The following COLGALT2 variants were observed in gnomAD, a reference collection of about 807,000 sequenced individuals.
COLGALT2 encodes the protein collagen beta(1-O)galactosyltransferase 2, also known as procollagen galactosyltransferase 2.
Under a neutral mutation model 73.4 loss-of-function variants are expected in COLGALT2, and 49 were observed. That is an observed-to-expected ratio of 0.67 (90% CI 0.53 to 0.85). The LOEUF is 0.85. Among genes scored for constraint, COLGALT2 ranks in the 40% least tolerant of loss-of-function variants. COLGALT2 has a pLI of 0.00. For synonymous variants in COLGALT2, 295 were observed against 307.6 expected (o/e 0.96, Z 0.43); for missense variants, 722 against 790.2 (o/e 0.91, Z 1.03).
At chr1:183,957,758 A>G (rs979182391) in intron 6 of COLGALT2, among the ~76,000 whole-genome samples, 1 of 123,262 alleles carries the variant, frequency 8.1e-6, no homozygotes, top group Non-Finnish European at 1.8e-5. Flanking sequence ...ATGTAATTTT[A>G]TCTTCACTTT....
At position 183,954,669 on chromosome 1, in the gene COLGALT2, G is replaced by A. The variant is rs560956973; in HGVS notation, c.1029+93C>T. 1.1e-5 allele frequency: 10 copies of A among 947,216 alleles called. No homozygotes were observed. In the East Asian group the frequency reaches 2.3e-4, roughly 22 times the overall value. The allele number at this position is 947,216 out of a possible 1,614,324, so 58.7% of individuals were successfully genotyped here. ...TTCAGCAGCCAAGCCAGTCTTGCTGGCTCTCAGATGCAAGCTCAGGCTTGT... is the reference window on the plus strand; with the variant it reads ...TTCAGCAGCCAAGCCAGTCTTGCTGACTCTCAGATGCAAGCTCAGGCTTGT... On this transcript the variant is annotated intron_variant, in intron 7 of 11. Coordinates refer to ENST00000361927, the MANE Select transcript of COLGALT2 (RefSeq NM_015101.4).
At chr1:183,958,389 T>C (rs1222150624) in intron 6 of COLGALT2, among the ~76,000 whole-genome samples, 1 of 152,126 alleles carries the variant, frequency 6.6e-6, no homozygotes, top group Non-Finnish European at 1.5e-5. Context: ...ACATACACAA[T>C]TGTGTTGACT....
In COLGALT2 at chr1:183,973,875, C is replaced by T. The variant is rs1282560570; in HGVS notation, c.493-125G>A. The T allele has an allele frequency of 5.9e-6, 5 of 850,914 alleles. No individual in the cohort carries two copies. The South Asian group carries it at 9.0e-5, about 15-fold the overall frequency. 52.7% of individuals were successfully genotyped at this position (850,914 alleles called of 1,614,324 possible). On this transcript the variant is annotated intron_variant, in intron 3 of 11. Transcript: ENST00000361927. ...GACATATGGAACCAGCTATCTATGTCCTCCTTATTGAAACCCATTGCAGCT... is the reference window on the plus strand; with the variant it reads ...GACATATGGAACCAGCTATCTATGTTCTCCTTATTGAAACCCATTGCAGCT...
At chr1:183,964,173 G>A in intron 5 of COLGALT2, 153 bp from the exon 6 acceptor site, 3 of 665,202 alleles carry the variant, frequency 4.5e-6, no homozygotes, top group Non-Finnish European at 7.0e-6. Flanking sequence ...CCTAAAAAAT[G>A]CTCCTTTATT....
intron 5 of COLGALT2, among the ~76,000 whole-genome samples, chr1:183,965,835 G>A (rs1419023559): frequency 6.6e-6 from 1 of 152,172 alleles, no homozygotes; most frequent in East Asian, 1.9e-4. Context: ...GACCAAGCTT[G>A]GAGTTAGGCT....
At position 183,970,674 on chromosome 1, in the gene COLGALT2, C is replaced by A. The variant is rs543667677; in HGVS notation, c.628-1201G>T. Among the ~76,000 whole-genome samples the A allele has an allele frequency of 2.6e-5, 4 of 152,320 alleles. 1 individual carries two copies. Among genetic ancestry groups the A allele is most frequent in the African/African-American group, 9.6e-5 (4 of 41,564 alleles). ...TTTGATCTTAGTCCATGCCTACCCT[C>A]TTTGAGCCTGAGTTTTTTCTCCTGA... is the stretch of plus-strand genomic sequence containing the variant. On this transcript the variant is annotated intron_variant, in intron 4 of 11. Coordinates refer to ENST00000361927, the MANE Select transcript of COLGALT2 (RefSeq NM_015101.4).
At chr1:184,030,068 G>C (rs147809026) in intron 1 of COLGALT2, among the ~76,000 whole-genome samples, 1 of 152,166 alleles carries the variant, frequency 6.6e-6, no homozygotes, top group Non-Finnish European at 1.5e-5. Flanking sequence ...TACTTTTTGT[G>C]ATATTCCCAA....
intron 1 of COLGALT2, among the ~76,000 whole-genome samples, chr1:184,024,304 G>A (rs1649262980): frequency 6.6e-6 from 1 of 152,026 alleles, no homozygotes; most frequent in African/African-American, 2.4e-5. Flanking sequence ...ACTGGTACTG[G>A]AATGCTCTGT....
downstream of COLGALT2, among the ~76,000 whole-genome samples, chr1:183,935,241 C>T (rs1158892723): frequency 1.3e-5 from 2 of 152,188 alleles, no homozygotes; most frequent in Non-Finnish European, 2.9e-5. Context: ...GAAATAAAAC[C>T]ATCCTGTTTG....
At chr1:183,976,610 T>C (rs1370608442) in intron 2 of COLGALT2, among the ~76,000 whole-genome samples, 1 of 152,138 alleles carries the variant, frequency 6.6e-6, no homozygotes, top group Non-Finnish European at 1.5e-5. Flanking sequence ...TTTATTCTTG[T>C]TCTTATTTGT....
intron 1 of COLGALT2, among the ~76,000 whole-genome samples, chr1:183,979,112 A>T (rs1671282413): frequency 6.6e-6 from 1 of 152,210 alleles, no homozygotes; most frequent in Non-Finnish European, 1.5e-5. Context: ...CGTTTACAAA[A>T]TAGAGTATTT....
At chr1:183,956,890 C>A (rs1670568254) in intron 6 of COLGALT2, among the ~76,000 whole-genome samples, 1 of 152,154 alleles carries the variant, frequency 6.6e-6, no homozygotes, top group African/African-American at 2.4e-5. Context: ...GAAACTTAGT[C>A]TGTGGGGAGA....
exon 12 of COLGALT2, chr1:183,930,016 G>C (rs191083587): frequency 6.8e-6 from 2 of 292,986 alleles, no homozygotes; most frequent in East Asian, 9.5e-5. Flanking sequence ...TCACAGTGAT[G>C]ATAAAGAGAG....
intron 1 of COLGALT2, among the ~76,000 whole-genome samples, chr1:184,015,464 A>C (rs1053809580): frequency 3.9e-5 from 6 of 152,196 alleles, no homozygotes. Context: ...GGAGAAATGC[A>C]GTATTTTACT....
chr1:184,016,396 C>T (rs1649000154), intron 1 of COLGALT2, among the ~76,000 whole-genome samples: 1 of 152,172 alleles, frequency 6.6e-6, no homozygotes, highest in African/African-American at 2.4e-5. Context: ...CTAATTTTAT[C>T]AGCAGCGAGA....
intron 2 of COLGALT2, among the ~76,000 whole-genome samples, chr1:183,976,004 T>G (rs1671179577): frequency 6.6e-6 from 1 of 152,248 alleles, no homozygotes; most frequent in Non-Finnish European, 1.5e-5. Flanking sequence ...AATAAAACTA[T>G]GTACAGCACA....
At chr1:184,005,149 G>A (rs577791774) in intron 1 of COLGALT2, among the ~76,000 whole-genome samples, 2 of 152,230 alleles carry the variant, frequency 1.3e-5, no homozygotes, top group South Asian at 2.1e-4. Flanking sequence ...GCACGCTACT[G>A]AGCCGGGGCT....
rs569634428 is a variant in COLGALT2 at position 183,959,955 on chromosome 1, T to C, written c.952+3946A>G. Among the ~76,000 whole-genome samples, 6 of 152,262 alleles carry C rather than the reference T, an allele frequency of 3.9e-5. No homozygotes were observed. The East Asian group carries it at 1.2e-3, about 29-fold the overall frequency. On this transcript the variant is annotated intron_variant, in intron 6 of 11. Transcript: ENST00000361927. ...CTGTTCTTTCCACTTGAGACATTCT[T>C]CACCCAAATATTCATATGGCTGCTT...
At chr1:183,954,699 CA>C in intron 7 of COLGALT2, 62 bp downstream of exon 7, 1 of 1,329,232 alleles carries the variant, frequency 7.5e-7, no homozygotes, top group Non-Finnish European at 1.1e-6. Flanking sequence ...GCTTGTGTTC[CA>C]AAATGAACAC....
Sources: gnomAD v4.1 joint callset for allele counts (sites outside exome capture counted in the v4.1 genomes callset) on GRCh38, gnomAD v4.1.1 for gene constraint, MANE v1.5 for transcripts, NCBI Gene and HGNC (gene_info 2026-07-23, HGNC 2026-07-21) for gene names.